AMOTL1: variants seen among roughly 807,000 people sequenced by gnomAD.
The protein encoded by AMOTL1 is angiomotin-like protein 1.
AMOTL1 carries 45 observed loss-of-function variants against 102.9 expected under a neutral mutation model. The observed-to-expected ratio is 0.44, with a 90% confidence interval of 0.34 to 0.56. The LOEUF is 0.56. Among genes scored for constraint, AMOTL1 ranks in the 20% least tolerant of loss-of-function variants. The pLI, the probability that AMOTL1 is intolerant of heterozygous loss-of-function variation, is 0.01. For synonymous variants in AMOTL1, 481 were observed against 484.7 expected, an observed-to-expected ratio of 0.99 and a Z score of 0.10; for missense variants, 1,114 against 1,225.6, an observed-to-expected ratio of 0.91 and a Z score of 1.36.
chr11:94,796,100 TA>T (rs1345913490), intron 2 of AMOTL1, among the ~76,000 whole-genome samples: 5 of 152,224 alleles, frequency 3.3e-5, no homozygotes, highest in African/African-American at 1.2e-4. Context: ...AGTTTGTTTT[TA>T]TTGTTTAAAA....
chr11:94,864,731 C>G lies in AMOTL1; in HGVS notation c.2136-4C>G. ...TGATCAAACGCATATCCTTGTGTTG[C>G]CAGGGACACCACGATCATCAACCAC... On this transcript the variant is annotated splice_polypyrimidine_tract_variant and splice_region_variant and intron_variant, in intron 9 of 12. Transcript: ENST00000433060. The G allele has an allele frequency of 1.2e-6, 2 of 1,612,580 alleles. No individual in the cohort carries two copies. Among genetic ancestry groups the G allele is most frequent in the Non-Finnish European group, 1.7e-6 (2 of 1,179,084 alleles).
intron 3 of AMOTL1, among the ~76,000 whole-genome samples, chr11:94,807,332 C>T (rs911055326): frequency 6.6e-6 from 1 of 152,108 alleles, no homozygotes; most frequent in Non-Finnish European, 1.5e-5. Flanking sequence ...ATTTGAACCT[C>T]TTCACAGCCA....
In AMOTL1 at chr11:94,768,575, C is replaced by T; in HGVS notation, c.49+15C>T. On this transcript the variant is annotated intron_variant, in intron 1 of 12. Transcript: ENST00000433060. ...TGCGGTGAAAGGTAACCAGCCCCCA[C>T]TCGAGGTGCCGGGAGGGCGTCTCCG... 1.3e-6 allele frequency: 2 copies of T among 1,587,378 alleles called. No individual in the cohort carries two copies. The highest frequency in any genetic ancestry group is 1.7e-6 in the Non-Finnish European group (2 of 1,167,402).
Position 94,871,536 on chromosome 11 carries a change from A to G in AMOTL1, c.*741A>G, listed in dbSNP as rs1488734875. On this transcript the variant is annotated 3_prime_UTR_variant, in exon 13 of 13. Coordinates refer to ENST00000433060, the MANE Select transcript of AMOTL1 (RefSeq NM_130847.3). Reference sequence around the variant, plus strand: ...TTCATTTTTTTCTTTTTAATAAGACATAGCAGAATTCCTTAGGTATGGGAT... The same window carrying G: ...TTCATTTTTTTCTTTTTAATAAGACGTAGCAGAATTCCTTAGGTATGGGAT... 1 of 152,200 alleles carries G rather than the reference A, an allele frequency of 6.6e-6. No homozygotes were observed. The highest frequency in any genetic ancestry group is 1.5e-5 in the Non-Finnish European group (1 of 68,042). 9.4% of individuals were successfully genotyped at this position (152,200 alleles called of 1,614,324 possible).
chr11:94,741,113 T>C, intron 3 of AMOTL1: 1 of 774,256 alleles, frequency 1.3e-6, no homozygotes, highest in Non-Finnish European at 1.9e-6. Context: ...AGGGAAAGGG[T>C]CAGGGGACAC....
chr11:94,830,659 A>G (rs1263147187), intron 5 of AMOTL1, among the ~76,000 whole-genome samples: 1 of 152,236 alleles, frequency 6.6e-6, no homozygotes, highest in Non-Finnish European at 1.5e-5. Context: ...CTGGGGGGAA[A>G]AAGTCCCCAC....
intron 9 of AMOTL1, among the ~76,000 whole-genome samples, chr11:94,860,433 G>GTC (rs1474132621): frequency 6.6e-6 from 1 of 152,134 alleles, no homozygotes; most frequent in Admixed American, 6.5e-5. Flanking sequence ...GGCTTATTCT[G>GTC]TCTTTATAAA....
intron 3 of AMOTL1, among the ~76,000 whole-genome samples, chr11:94,803,043 A>T (rs539477355): frequency 3.3e-5 from 5 of 152,312 alleles, no homozygotes; most frequent in African/African-American, 1.2e-4. Flanking sequence ...GACGCCTCTG[A>T]TGGAGATCAT....
At chr11:94,761,947 A>G (rs1457384385) in intron 3 of AMOTL1, among the ~76,000 whole-genome samples, 2 of 152,244 alleles carry the variant, frequency 1.3e-5, no homozygotes, top group East Asian at 3.8e-4. Context: ...CAGTATAAAC[A>G]TCCAATAATT....
rs1463820926 is a variant in AMOTL1 at position 94,756,666 on chromosome 11, A to G, written c.136+15678A>G. On this transcript the variant is annotated intron_variant, in intron 3 of 4. Coordinates refer to the AMOTL1 transcript ENST00000299004. ...ATAAGTCTATTCCTCATTTCTTTCT[A>G]AAAGATTTTGAAATATTTGAAGGTT... Among the ~76,000 whole-genome samples the G allele has an allele frequency of 3.3e-5, 5 of 152,210 alleles. No homozygotes were observed. In the East Asian group the frequency reaches 5.8e-4, roughly 18 times the overall value.
chr11:94,730,828 G>A (rs948426643), intron 2 of AMOTL1, among the ~76,000 whole-genome samples: 20 of 152,168 alleles, frequency 1.3e-4, no homozygotes, highest in Admixed American at 8.5e-4. Context: ...CACACCTATA[G>A]CATTTGATTC....
At chr11:94,803,346 C>A (rs1406566169) in intron 3 of AMOTL1, among the ~76,000 whole-genome samples, 4 of 152,196 alleles carry the variant, frequency 2.6e-5, no homozygotes, top group Non-Finnish European at 4.4e-5. Flanking sequence ...CCTGGGAACC[C>A]TCTGGGAGAT....
intron 6 of AMOTL1, among the ~76,000 whole-genome samples, chr11:94,833,671 C>A (rs1952118256): frequency 6.6e-6 from 1 of 152,124 alleles, no homozygotes; most frequent in South Asian, 2.1e-4. Context: ...GGAGGCAGAG[C>A]AGAGGAGAAA....
In AMOTL1 at chr11:94,854,226, C is replaced by A. The variant is rs1351467715; in HGVS notation, c.1944+144C>A. On this transcript the variant is annotated intron_variant, in intron 8 of 12. Transcript: ENST00000433060. Reference sequence around the variant, plus strand: ...ACTCCCTGTCCTCAGTGAACCCATACAACAACCAGGAGAGAAGGCGAGCAG... The same window carrying A: ...ACTCCCTGTCCTCAGTGAACCCATAAAACAACCAGGAGAGAAGGCGAGCAG... 6 of 1,108,536 alleles carry A rather than the reference C, an allele frequency of 5.4e-6. No homozygotes were observed. The Admixed American group carries it at 1.3e-4, about 23-fold the overall frequency. 68.7% of individuals were successfully genotyped at this position (1,108,536 alleles called of 1,614,324 possible). A position where few individuals can be genotyped will look rare whatever the true frequency, so the allele number is the denominator to read the frequency against.
intron 3 of AMOTL1, among the ~76,000 whole-genome samples, chr11:94,745,600 G>C (rs943918416): frequency 6.6e-6 from 1 of 152,132 alleles, no homozygotes; most frequent in Non-Finnish European, 1.5e-5. Context: ...GAATTCTCTT[G>C]CAGTTTCTTG....
At chr11:94,735,116 GAACAGCC>G (rs1254022619) in intron 2 of AMOTL1, among the ~76,000 whole-genome samples, 1 of 152,220 alleles carries the variant, frequency 6.6e-6, no homozygotes, top group Admixed American at 6.5e-5. Context: ...CCTTGAGTGA[GAACAGCC>G]TGTAAAGGCC....
intron 6 of AMOTL1, among the ~76,000 whole-genome samples, chr11:94,840,501 A>G (rs1952274914): frequency 6.6e-6 from 1 of 151,972 alleles, no homozygotes. Flanking sequence ...GGGAGAGAAT[A>G]TAATTGTAGA....
At chr11:94,805,323 T>A (rs10831274) in intron 3 of AMOTL1, among the ~76,000 whole-genome samples, 40,515 of 152,060 alleles carry the variant, frequency 0.27, 5,982 homozygotes, top group East Asian at 0.47. Flanking sequence ...TCTTCAGATA[T>A]CTGGGAAGAC....
chr11:94,819,755 G>A (rs1951830757), intron 3 of AMOTL1, among the ~76,000 whole-genome samples: 1 of 152,198 alleles, frequency 6.6e-6, no homozygotes, highest in African/African-American at 2.4e-5. Flanking sequence ...TGTGTCATGG[G>A]CACATTCTTA....
Sources: gnomAD v4.1 joint callset for allele counts (sites outside exome capture counted in the v4.1 genomes callset) on GRCh38, gnomAD v4.1.1 for gene constraint, MANE v1.5 for transcripts, NCBI Gene and HGNC (gene_info 2026-07-23, HGNC 2026-07-21) for gene names.